C1QTNF7: variants seen among roughly 807,000 people sequenced by gnomAD.
The protein encoded by C1QTNF7 is C1q and TNF related 7.
A neutral mutation model predicts 19.6 loss-of-function variants in C1QTNF7; 15 were observed. The ratio of observed to expected loss-of-function variants is 0.76; its 90% CI spans 0.51 to 1.18. The LOEUF is 1.18. C1QTNF7 is among the 50% of genes most tolerant of loss of function. The probability of loss-of-function intolerance (pLI) is 0.00; values close to 1 mark genes in which losing one functional copy is unlikely to be tolerated. For synonymous variants in C1QTNF7, 142 were observed against 137.5 expected (o/e 1.03, Z -0.23); for missense variants, 324 against 359.7 (o/e 0.90, Z 0.80).
chr4:15,340,158 A>T (rs1364043218), exon 1 of C1QTNF7: 14 of 1,551,290 alleles, frequency 9.0e-6, no homozygotes, highest in African/African-American at 1.4e-5. Flanking sequence ...CCAAAGCAAG[A>T]AAGCCTCATG....
At chr4:15,418,792 A>G (rs1383859523) in intron 1 of C1QTNF7, among the ~76,000 whole-genome samples, 3 of 152,248 alleles carry the variant, frequency 2.0e-5, no homozygotes, top group Non-Finnish European at 4.4e-5. Context: ...GCAAAGAATA[A>G]TAACAGTAAC....
intron 1 of C1QTNF7, among the ~76,000 whole-genome samples, chr4:15,387,803 T>C (rs1346051152): frequency 6.6e-6 from 1 of 152,196 alleles, no homozygotes; most frequent in Non-Finnish European, 1.5e-5. Flanking sequence ...TTAATTTACA[T>C]ATCTAATTTT....
chr4:15,362,139 C>G (rs976508806), intron 1 of C1QTNF7, among the ~76,000 whole-genome samples: 13 of 152,136 alleles, frequency 8.5e-5, no homozygotes, highest in Non-Finnish European at 1.3e-4. Context: ...ATGGCTGTTG[C>G]AAAAATTAAT....
At chr4:15,352,956 G>GT (rs1716987450) in intron 1 of C1QTNF7, among the ~76,000 whole-genome samples, 2 of 152,170 alleles carry the variant, frequency 1.3e-5, no homozygotes, top group South Asian at 4.1e-4. Context: ...ATCCAGGTAT[G>GT]TATGACCCAG....
At chr4:15,387,283 C>A (rs1718374491) in intron 1 of C1QTNF7, among the ~76,000 whole-genome samples, 1 of 151,994 alleles carries the variant, frequency 6.6e-6, no homozygotes, top group Non-Finnish European at 1.5e-5. Context: ...GTTCATGAAG[C>A]CAATCAGACA....
chr4:15,405,781 C>T (rs966387872), intron 1 of C1QTNF7, among the ~76,000 whole-genome samples: 2 of 152,192 alleles, frequency 1.3e-5, no homozygotes, highest in Non-Finnish European at 2.9e-5. Context: ...AAAAAAACTC[C>T]TCCACAGAGC....
intron 1 of C1QTNF7, among the ~76,000 whole-genome samples, chr4:15,360,899 C>T (rs368145448): frequency 5.3e-5 from 8 of 152,134 alleles, no homozygotes; most frequent in African/African-American, 1.9e-4. Flanking sequence ...TTAAACTCAC[C>T]TTAGCTGGTC....
intron 1 of C1QTNF7, among the ~76,000 whole-genome samples, chr4:15,415,326 C>T (rs1719562111): frequency 6.6e-6 from 1 of 152,082 alleles, no homozygotes; most frequent in African/African-American, 2.4e-5. Context: ...GAGAAATATT[C>T]AAAGACACTC....
intron 1 of C1QTNF7, among the ~76,000 whole-genome samples, chr4:15,416,354 G>C (rs1232958758): frequency 6.6e-6 from 1 of 152,160 alleles, no homozygotes; most frequent in East Asian, 1.9e-4. Flanking sequence ...TCTGGCACTG[G>C]GCAGACAGGG....
intron 1 of C1QTNF7, among the ~76,000 whole-genome samples, chr4:15,367,468 G>A (rs80255637): frequency 1.0e-3 from 155 of 152,170 alleles, no homozygotes; most frequent in East Asian, 3.1e-3. Context: ...TTTATCTGGC[G>A]TTTTCCACAA....
rs370170101 is a variant in C1QTNF7, at chr4:15,431,672, C to T, written c.-9+3566C>T. 2.0e-5 allele frequency among the ~76,000 whole-genome samples: 3 copies of T among 151,982 alleles called. No homozygotes were observed. The East Asian group carries it at 5.8e-4, about 29-fold the overall frequency. ...TATTCTCATATTTCATAATTTCTCA[C>T]CAGTTTTTTTCCCCCACAAAGCTCA... On this transcript the variant is annotated intron_variant, in intron 1 of 2. Coordinates refer to ENST00000444304, the MANE Select transcript of C1QTNF7 (RefSeq NM_031911.5).
chr4:15,390,813 T>C (rs1718527772), intron 1 of C1QTNF7, among the ~76,000 whole-genome samples: 1 of 152,066 alleles, frequency 6.6e-6, no homozygotes, highest in Non-Finnish European at 1.5e-5. Context: ...AAACTCCCAA[T>C]AACGTTCTAA....
At chr4:15,435,340 A>C (rs1271326018) in intron 1 of C1QTNF7, among the ~76,000 whole-genome samples, 1 of 152,156 alleles carries the variant, frequency 6.6e-6, no homozygotes, top group Non-Finnish European at 1.5e-5. Context: ...TGTAAATCTC[A>C]AGGTGGTAAA....
chr4:15,344,967 T>C (rs1716667576), intron 1 of C1QTNF7, among the ~76,000 whole-genome samples: 2 of 152,248 alleles, frequency 1.3e-5, no homozygotes, highest in Admixed American at 6.5e-5. Context: ...AGGTGTCTTA[T>C]GATCTTCTGC....
intron 2 of C1QTNF7, 24 bp from the exon 3 acceptor site, chr4:15,442,144 T>A: frequency 6.4e-7 from 1 of 1,560,048 alleles, no homozygotes; most frequent in Non-Finnish European, 8.6e-7. Context: ...GAACTATTAA[T>A]CAAACTATAT....
At chr4:15,407,870 G>A (rs1465192241) in intron 1 of C1QTNF7, among the ~76,000 whole-genome samples, 1 of 152,122 alleles carries the variant, frequency 6.6e-6, no homozygotes, top group Non-Finnish European at 1.5e-5. Flanking sequence ...AGGTTGCAGT[G>A]AGCCCAGAAG....
rs1301271977 is a variant in C1QTNF7 at position 15,442,245 on chromosome 4, A to G, written c.316A>G (p.Ile106Val). The change falls in exon 3 of 3, where the codon ATA (isoleucine) becomes GTA (valine). Residue 106 changes from isoleucine to valine, a missense_variant. Physicochemically the swap from Ile to Val is conservative, Grantham distance 29 (BLOSUM62 3). Transcript: ENST00000444304. ...AGGAGAGACTGGGAAGAAAGGACCC[A>G]TAGGACCAGAGGGAGAGAAAGGAGA... ...DQGETGKKGP[I>V]GPEGEKGEVG... 10 of 1,614,146 alleles carry G rather than the reference A, an allele frequency of 6.2e-6. No individual in the cohort carries two copies. Among genetic ancestry groups the G allele is most frequent in the Non-Finnish European group, 8.5e-6 (10 of 1,180,026 alleles).
chr4:15,415,084 C>A (rs1719548274), intron 1 of C1QTNF7, among the ~76,000 whole-genome samples: 1 of 152,218 alleles, frequency 6.6e-6, no homozygotes, highest in Non-Finnish European at 1.5e-5. Flanking sequence ...CTCAACTGAA[C>A]AAATACATCT....
At chr4:15,353,770 A>C (rs962915069) in intron 1 of C1QTNF7, among the ~76,000 whole-genome samples, 2 of 106,678 alleles carry the variant, frequency 1.9e-5, no homozygotes, top group Non-Finnish European at 4.1e-5. Flanking sequence ...AGGAAGATTA[A>C]AAAAAAAAAA....
Sources: gnomAD v4.1 joint callset for allele counts (sites outside exome capture counted in the v4.1 genomes callset) on GRCh38, gnomAD v4.1.1 for gene constraint, MANE v1.5 for transcripts, NCBI Gene and HGNC (gene_info 2026-07-23, HGNC 2026-07-21) for gene names.